PPP2R2B: variants seen among roughly 807,000 people sequenced by gnomAD.
PPP2R2B encodes serine/threonine-protein phosphatase 2A 55 kDa regulatory subunit B beta isoform.
In PPP2R2B, 5 loss-of-function variants were observed where a neutral mutation model predicts 46.0. The observed-to-expected ratio is 0.11, with a 90% confidence interval of 0.06 to 0.23. PPP2R2B has a LOEUF of 0.23. Ranked by LOEUF, PPP2R2B falls within the 10% of genes least tolerant of loss-of-function variation. The pLI is 1.00. For missense variants in PPP2R2B, 367 were observed against 575.0 expected (o/e 0.64, Z 3.70); for synonymous variants, 215 against 206.7 (o/e 1.04, Z -0.34).
chr5:146,886,340 A>AAAAT (rs59329730), intron 1 of PPP2R2B, among the ~76,000 whole-genome samples: 7,321 of 145,192 alleles, frequency 0.05, 269 homozygotes, highest in Non-Finnish European at 0.071. Context: ...CTCCGTCTCA[A>AAAAT]AAATAAATAA....
In PPP2R2B at chr5:146,590,122, G is replaced by C. The variant is rs746408283; in HGVS notation, c.1157C>G (p.Ala386Gly). The C allele has an allele frequency of 1.5e-5, 25 of 1,613,968 alleles. No homozygotes were observed. The highest frequency in any genetic ancestry group is 2.0e-5 in the Non-Finnish European group (24 of 1,180,038). Residue 386 changes from alanine (A) to glycine (G), a missense_variant, in exon 10 of 10, where the codon GCT (alanine) becomes GGT (glycine). Around this residue, in one of 2 missense-constraint regions of PPP2R2B, gnomAD observed 361 missense variants for 545.5 expected, o/e 0.66. Transcript: ENST00000394411. Reference sequence around the variant, plus strand: ...ACACACTTTTCGGGGTTTGAGGATAGCCCGGGGCTTGCTGTTTTCCCTCGA... The same window carrying C: ...ACACACTTTTCGGGGTTTGAGGATACCCCGGGGCTTGCTGTTTTCCCTCGA... ...EASRENSKPRAILKPRKVCVG... is the reference protein window; with the variant it reads ...EASRENSKPRGILKPRKVCVG...
chr5:146,657,410 G>A (rs1392958822), intron 5 of PPP2R2B, among the ~76,000 whole-genome samples: 4 of 152,210 alleles, frequency 2.6e-5, no homozygotes, highest in Non-Finnish European at 1.5e-5. Context: ...ATGTCTGTCT[G>A]TAGGATGTGG....
At chr5:146,829,798 G>T (rs867597473) in intron 2 of PPP2R2B, among the ~76,000 whole-genome samples, 2 of 152,118 alleles carry the variant, frequency 1.3e-5, no homozygotes, top group Admixed American at 6.6e-5. Flanking sequence ...TTGTAGGAAG[G>T]ACTTTTTTTT....
intron 1 of PPP2R2B, among the ~76,000 whole-genome samples, chr5:147,026,081 A>G (rs1355058613): frequency 2.0e-5 from 3 of 152,112 alleles, no homozygotes; most frequent in Non-Finnish European, 4.4e-5. Flanking sequence ...CAGTTTCTTA[A>G]AATGTTCCCC....
intron 2 of PPP2R2B, among the ~76,000 whole-genome samples, chr5:146,877,734 C>T (rs1018456372): frequency 2.6e-4 from 39 of 152,130 alleles, no homozygotes; most frequent in African/African-American, 8.9e-4. Context: ...TCTTTCTGGG[C>T]GAGAGCCCCA....
At chr5:146,753,788 G>C (rs1430970735) in intron 2 of PPP2R2B, among the ~76,000 whole-genome samples, 1 of 152,076 alleles carries the variant, frequency 6.6e-6, no homozygotes, top group Non-Finnish European at 1.5e-5. Context: ...CCACATGCTT[G>C]ATTTGTGCAT....
intron 2 of PPP2R2B, among the ~76,000 whole-genome samples, chr5:146,823,895 T>C (rs1016331518): frequency 3.3e-5 from 5 of 152,280 alleles, no homozygotes; most frequent in South Asian, 4.1e-4. Flanking sequence ...ACCAAACTTA[T>C]GCTGTAATGG....
chr5:146,859,758 TAGC>T (rs1376876547), intron 2 of PPP2R2B, among the ~76,000 whole-genome samples: 2 of 152,126 alleles, frequency 1.3e-5, no homozygotes, highest in Non-Finnish European at 2.9e-5. Flanking sequence ...AGGACATAAA[TAGC>T]AGCTCAACAA....
chr5:146,752,193 T>C (rs1195367886), intron 2 of PPP2R2B, among the ~76,000 whole-genome samples: 1 of 152,106 alleles, frequency 6.6e-6, no homozygotes, highest in Non-Finnish European at 1.5e-5. Context: ...CTTGAGACGC[T>C]GTCAAGGTAG....
intron 1 of PPP2R2B, among the ~76,000 whole-genome samples, chr5:147,031,622 A>G (rs865834909): frequency 2.0e-5 from 3 of 151,906 alleles, no homozygotes; most frequent in Non-Finnish European, 4.4e-5. Flanking sequence ...TACTTCTTAG[A>G]CCTCAATAAA....
intron 6 of PPP2R2B, among the ~76,000 whole-genome samples, chr5:146,650,085 T>C (rs770985741): frequency 2.0e-5 from 3 of 152,218 alleles, no homozygotes; most frequent in Non-Finnish European, 4.4e-5. Flanking sequence ...AAAAATGTAA[T>C]ACTATAAAGT....
chr5:146,880,008 A>C (rs904842962), upstream of PPP2R2B, among the ~76,000 whole-genome samples: 1 of 152,200 alleles, frequency 6.6e-6, no homozygotes, highest in Non-Finnish European at 1.5e-5. Flanking sequence ...AAAGTATTTG[A>C]AGTTCAGAAA....
intron 5 of PPP2R2B, among the ~76,000 whole-genome samples, chr5:146,680,588 A>T (rs1778102187): frequency 6.6e-6 from 1 of 152,162 alleles, no homozygotes. Flanking sequence ...CACTTAAAAA[A>T]AAAAAGTTCC....
intron 2 of PPP2R2B, among the ~76,000 whole-genome samples, chr5:146,741,366 G>A (rs911871716): frequency 3.9e-5 from 6 of 152,118 alleles, no homozygotes; most frequent in African/African-American, 1.2e-4. Flanking sequence ...CATTAAAAAT[G>A]TACTTATAAT....
rs1471884738 is a variant in PPP2R2B at position 146,588,472 on chromosome 5, A to T, written c.*1475T>A. On this transcript the variant is annotated 3_prime_UTR_variant, in exon 10 of 10. Coordinates refer to ENST00000394411, the MANE Select transcript of PPP2R2B (RefSeq NM_181675.4). ...CCTTTCATTGAAAAACTCTCATCTCAAACCATTTACCCTGCACTAAATGGG... is the reference window on the plus strand; with the variant it reads ...CCTTTCATTGAAAAACTCTCATCTCTAACCATTTACCCTGCACTAAATGGG... 6.6e-6 allele frequency: 1 copy of T among 152,212 alleles called. No individual in the cohort carries two copies. The highest frequency in any genetic ancestry group is 2.4e-5 in the African/African-American group (1 of 41,450). The allele number at this position is 152,212 out of a possible 1,614,324, so 9.4% of individuals were successfully genotyped here.
At chr5:146,779,500 A>T (rs1026980387) in intron 2 of PPP2R2B, among the ~76,000 whole-genome samples, 2 of 152,160 alleles carry the variant, frequency 1.3e-5, no homozygotes, top group Non-Finnish European at 2.9e-5. Context: ...GCCCGGTGAT[A>T]AGGCCGGTTA....
At chr5:146,770,620 G>A (rs979928176) in intron 2 of PPP2R2B, among the ~76,000 whole-genome samples, 1 of 152,122 alleles carries the variant, frequency 6.6e-6, no homozygotes, top group African/African-American at 2.4e-5. Flanking sequence ...GTTTTGCAAT[G>A]CACTATGATA....
At chr5:146,615,721 A>G (rs1773108399) in intron 7 of PPP2R2B, among the ~76,000 whole-genome samples, 1 of 152,070 alleles carries the variant, frequency 6.6e-6, no homozygotes, top group African/African-American at 2.4e-5. Context: ...AAAATTAAAA[A>G]ACACTGATGA....
At chr5:146,701,164 C>T (rs771325560) in intron 2 of PPP2R2B, 22 bp from the exon 3 acceptor site, 1 of 1,563,550 alleles carries the variant, frequency 6.4e-7, no homozygotes, top group African/African-American at 1.4e-5. Context: ...AAGACAAAGG[C>T]AATTTAAGTA....
Sources: gnomAD v4.1 joint callset for allele counts (sites outside exome capture counted in the v4.1 genomes callset) on GRCh38, gnomAD v4.1.1 for gene constraint, gnomAD v4.1.1 regional missense constraint, MANE v1.5 for transcripts, NCBI Gene and HGNC (gene_info 2026-07-23, HGNC 2026-07-21) for gene names.